The following POLA1 variants were observed in gnomAD, a reference collection of about 807,000 sequenced individuals.
POLA1 encodes the protein DNA polymerase alpha catalytic subunit.
A neutral mutation model predicts 124.0 loss-of-function variants in POLA1; 15 were observed. That is an observed-to-expected ratio of 0.12 (90% CI 0.08 to 0.19). The LOEUF (loss-of-function observed/expected upper bound fraction) is 0.19. Ranked by LOEUF, POLA1 falls within the 10% of genes least tolerant of loss-of-function variation. The pLI, the probability that POLA1 is intolerant of heterozygous loss-of-function variation, is 1.00. For synonymous variants in POLA1, 408 were observed against 389.4 expected (o/e 1.05, Z -0.56); for missense variants, 886 against 1,103.4 (o/e 0.80, Z 2.79).
intron 26 of POLA1, among the ~76,000 whole-genome samples, chrX:24,779,509 T>G (rs1453433390): frequency 8.9e-6 from 1 of 112,283 alleles, no homozygotes; most frequent in Non-Finnish European, 1.9e-5. Flanking sequence ...CTTTTATACT[T>G]GTACAATAAT....
At chrX:24,903,078 G>T (rs1390741507) in intron 35 of POLA1, among the ~76,000 whole-genome samples, 1 of 112,357 alleles carries the variant, frequency 8.9e-6, no homozygotes, top group Non-Finnish European at 1.9e-5. Context: ...GCTGGTTGAT[G>T]TTTGAGGTAT....
intron 26 of POLA1, among the ~76,000 whole-genome samples, chrX:24,770,756 A>AC (rs1366009603): frequency 9.0e-6 from 1 of 110,971 alleles, no homozygotes; most frequent in Non-Finnish European, 1.9e-5. Context: ...TTAGGAGGTG[A>AC]CCGATAACCT....
At chrX:24,964,874 C>T (rs1196386425) in intron 36 of POLA1, among the ~76,000 whole-genome samples, 1 of 112,167 alleles carries the variant, frequency 8.9e-6, no homozygotes, top group Non-Finnish European at 1.9e-5. Flanking sequence ...TGCTATTTCA[C>T]CAATTGCAGA....
intron 34 of POLA1, among the ~76,000 whole-genome samples, chrX:24,849,965 G>T (rs1007634983): frequency 1.8e-5 from 2 of 111,105 alleles, no homozygotes; most frequent in Non-Finnish European, 3.8e-5. Context: ...TATAGACAGG[G>T]TCTCACTATG....
At chrX:24,869,581 A>T (rs2046839500) in intron 34 of POLA1, among the ~76,000 whole-genome samples, 1 of 112,197 alleles carries the variant, frequency 8.9e-6, no homozygotes, top group South Asian at 3.7e-4. Context: ...ATCTGAATTA[A>T]TCTCGATATC....
At chrX:24,921,422 AAATGGAAATAT>A (rs1314339082) in intron 35 of POLA1, among the ~76,000 whole-genome samples, 1 of 112,445 alleles carries the variant, frequency 8.9e-6, no homozygotes, top group Admixed American at 9.4e-5. Context: ...AGGGGTATAT[AAATGGAAATAT>A]CCACATTTAA....
At chrX:24,791,236 T>C (rs2045490279) in intron 26 of POLA1, among the ~76,000 whole-genome samples, 1 of 111,211 alleles carries the variant, frequency 9.0e-6, no homozygotes, top group Admixed American at 9.6e-5. Context: ...TCATCTATCC[T>C]CATTCCTTGA....
At chrX:24,728,106 T>A (rs887040192) in intron 15 of POLA1, among the ~76,000 whole-genome samples, 170 bp downstream of exon 15, 1 of 112,720 alleles carries the variant, frequency 8.9e-6, no homozygotes, top group African/African-American at 3.2e-5. Context: ...TGGAGTTTTT[T>A]CTTAAAGACT....
At chrX:24,816,660 T>C (rs1323521768) in intron 30 of POLA1, among the ~76,000 whole-genome samples, 1 of 112,150 alleles carries the variant, frequency 8.9e-6, no homozygotes, top group African/African-American at 3.2e-5. Context: ...GCATCAATTC[T>C]GCATATTGTA....
At chrX:24,849,808 T>G (rs983766580) in intron 34 of POLA1, among the ~76,000 whole-genome samples, 3 of 110,877 alleles carry the variant, frequency 2.7e-5, no homozygotes, top group Non-Finnish European at 5.7e-5. Flanking sequence ...TTTTTTGTAT[T>G]TTTAGTAGAG....
chrX:24,745,070 T>C (rs1279728211), intron 23 of POLA1, among the ~76,000 whole-genome samples: 4 of 108,870 alleles, frequency 3.7e-5, no homozygotes, highest in African/African-American at 6.7e-5. Flanking sequence ...TTGAACATTT[T>C]TTTTTTTTTA....
intron 10 of POLA1, among the ~76,000 whole-genome samples, chrX:24,718,657 A>T (rs1009792124): frequency 8.1e-5 from 9 of 111,638 alleles, no homozygotes; most frequent in African/African-American, 3.0e-4. Flanking sequence ...TTTACATTTT[A>T]ACAGGAACAG....
chrX:24,971,065 T>A (rs998518401), intron 36 of POLA1, among the ~76,000 whole-genome samples: 4 of 112,761 alleles, frequency 3.5e-5, no homozygotes, highest in Admixed American at 9.3e-5. Flanking sequence ...TAAATTTTTT[T>A]AAATAAAACA....
At chrX:24,740,680 T>C (rs1186704157) in intron 20 of POLA1, among the ~76,000 whole-genome samples, 1 of 111,578 alleles carries the variant, frequency 9.0e-6, no homozygotes, top group Non-Finnish European at 1.9e-5. Context: ...CATATTGGCC[T>C]CTTTCCTAGT....
chrX:24,737,035 C>G (rs1171798241), intron 18 of POLA1, among the ~76,000 whole-genome samples: 1 of 111,600 alleles, frequency 9.0e-6, no homozygotes, highest in African/African-American at 3.3e-5. Context: ...GAGATAATTT[C>G]TACTCTATAT....
At chrX:24,749,789 T>G (rs974515449) in intron 26 of POLA1, among the ~76,000 whole-genome samples, 1 of 112,383 alleles carries the variant, frequency 8.9e-6, no homozygotes, top group African/African-American at 3.2e-5. Context: ...TTTAATAAGA[T>G]GGGCCAGATA....
chrX:24,793,277 CAAAAAAAAAAAAA>C (rs144419886), intron 26 of POLA1, among the ~76,000 whole-genome samples: 16 of 26,044 alleles, frequency 6.1e-4, no homozygotes, highest in African/African-American at 2.1e-3. Context: ...GACTCCCTCT[CAAAAAAAAAAAAA>C]AAAAAAAAAA....
At position 24,724,366 on chromosome X, in the gene POLA1, GA is replaced by G; in HGVS notation, c.1234del (p.Thr412LeufsTer5). The G allele has an allele frequency of 8.8e-7, 1 of 1,137,006 alleles. No individual in the cohort carries two copies. Among genetic ancestry groups the G allele is most frequent in the Non-Finnish European group, 1.2e-6 (1 of 833,150 alleles). 93.7% of individuals were successfully genotyped at this position (1,137,006 alleles called of 1,213,427 possible). On this transcript the variant is annotated frameshift_variant, in exon 12 of 37. Transcript: ENST00000379068. LOFTEE classifies it high-confidence loss of function. The part of the protein sequence containing the change: ...KIDLNTGKET[G>X]TPISMKDVYE... ...GATCTAAATACGGGGAAAGAAACAG[GA>G]ACTCCAATTTCAATGAAGGATGTTT...
chrX:24,889,109 A>G (rs1178711731), intron 35 of POLA1, among the ~76,000 whole-genome samples: 1 of 111,012 alleles, frequency 9.0e-6, no homozygotes, highest in African/African-American at 3.3e-5. Flanking sequence ...GCCTCAGGTG[A>G]TCTGCCTGCT....
Sources: gnomAD v4.1 joint callset for allele counts (sites outside exome capture counted in the v4.1 genomes callset) on GRCh38, gnomAD v4.1.1 for gene constraint, MANE v1.5 for transcripts, NCBI Gene and HGNC (gene_info 2026-07-23, HGNC 2026-07-21) for gene names.